The following TRIB2 variants were observed in gnomAD, a reference collection of about 807,000 sequenced individuals.
The protein encoded by TRIB2 is tribbles homolog 2.
TRIB2 carries 2 observed loss-of-function variants against 26.8 expected under a neutral mutation model. The observed-to-expected ratio is 0.07, with a 90% CI of 0.03 to 0.24. TRIB2 has a LOEUF of 0.24. Ranked by LOEUF, TRIB2 falls within the 10% of genes least tolerant of loss-of-function variation. The pLI is 1.00. For missense variants in TRIB2, 306 were observed against 449.0 expected, an observed-to-expected ratio of 0.68 and a Z score of 2.88; for synonymous variants, 189 against 187.3, an observed-to-expected ratio of 1.01 and a Z score of -0.08.
At chr2:12,731,133 T>C (rs1171617597) in intron 2 of TRIB2, among the ~76,000 whole-genome samples, 1 of 152,232 alleles carries the variant, frequency 6.6e-6, no homozygotes, top group Non-Finnish European at 1.5e-5. Flanking sequence ...CTGTAAGCAT[T>C]ATTTAACAGT....
chr2:12,718,443 C>T lies in TRIB2; in HGVS notation c.136C>T (p.Pro46Ser). The T allele has an allele frequency of 6.2e-7, 1 of 1,614,234 alleles. No homozygotes were observed. The highest frequency in any genetic ancestry group is 8.5e-7 in the Non-Finnish European group (1 of 1,180,040). Residue 46 changes from proline to serine, a missense_variant, in exon 1 of 3, where the codon CCG becomes TCG. Physicochemically the swap from Pro to Ser is moderately conservative, Grantham distance 74 (BLOSUM62 -1). This residue lies in a region of TRIB2 where 99 missense variants were observed against 106.5 expected (regional missense o/e 0.93). Transcript: ENST00000155926. This position sits in a 1 kb window ranked among gnomAD's most constrained non-coding sequence, Gnocchi z 4.0. ...GAGTTTCAGCCCGAACCTCGGCTCC[C>T]CGAGCCCGCCCGAGACTCCGAACTT... ...SQSFSPNLGS[P>S]SPPETPNLSH...
intron 2 of TRIB2, among the ~76,000 whole-genome samples, chr2:12,739,588 AC>A (rs1459255064): frequency 6.6e-6 from 1 of 152,132 alleles, no homozygotes; most frequent in East Asian, 1.9e-4. Flanking sequence ...CCTCAGAAGG[AC>A]CAGGTGATAG....
intron 2 of TRIB2, among the ~76,000 whole-genome samples, chr2:12,733,051 C>T (rs1661490303): frequency 6.6e-6 from 1 of 150,408 alleles, no homozygotes; most frequent in South Asian, 2.1e-4. Flanking sequence ...GCCCACAGTG[C>T]TGTTTAAAGA....
rs1262685425 is a variant in TRIB2 at position 12,718,895 on chromosome 2, G to T, written c.270+318G>T. On this transcript the variant is annotated intron_variant, in intron 1 of 2. Coordinates refer to ENST00000155926, the MANE Select transcript of TRIB2 (RefSeq NM_021643.4). This position sits in a 1 kb window ranked among gnomAD's most constrained non-coding sequence, Gnocchi z 4.0. The stretch of plus-strand genomic sequence containing the variant: ...CGCGAGGCCGGGTCCCGCTGCCCGG[G>T]GGGGATTTCTTCCTGTGTCTAGCCC... 1.3e-5 allele frequency among the ~76,000 whole-genome samples: 2 copies of T among 152,094 alleles called. No individual in the cohort carries two copies. The highest frequency in any genetic ancestry group is 2.9e-5 in the Non-Finnish European group (2 of 68,014).
chr2:12,718,324 C>T lies in TRIB2; in HGVS notation c.17C>T (p.Ser6Phe), dbSNP rs371172548. Residue 6 changes from serine to phenylalanine, a missense_variant, in exon 1 of 3, where the codon TCT becomes TTT. By Grantham distance (155) the Ser-to-Phe change is radical. Transcript: ENST00000155926. This position sits in a 1 kb window ranked among gnomAD's most constrained non-coding sequence, Gnocchi z 4.0. The stretch of plus-strand genomic sequence containing the variant: ...CTCACACTCATGAACATACACAGGT[C>T]TACCCCCATCACAATAGCGAGATAT... MNIHR[S>F]TPITIARYGR... 14 of 1,614,074 alleles carry T rather than the reference C, an allele frequency of 8.7e-6. No individual in the cohort carries two copies. Among genetic ancestry groups the T allele is most frequent in the African/African-American group, 1.3e-5 (1 of 74,916 alleles).
In TRIB2 at chr2:12,728,465, C is replaced by G. The variant is rs115758025; in HGVS notation, c.563+4913C>G. On this transcript the variant is annotated intron_variant, in intron 2 of 2. Coordinates refer to ENST00000155926, the MANE Select transcript of TRIB2 (RefSeq NM_021643.4). ...TTGTTACCACAGCACTTCCTGTTTGCTTTTGCCCATTGGATTTCTCTCTGG... is the reference window on the plus strand; with the variant it reads ...TTGTTACCACAGCACTTCCTGTTTGGTTTTGCCCATTGGATTTCTCTCTGG... Among the ~76,000 whole-genome samples, 65 of 152,334 alleles carry G rather than the reference C, an allele frequency of 4.3e-4. 1 individual carries two copies. The highest frequency in any genetic ancestry group is 1.5e-3 in the African/African-American group (64 of 41,580).
chr2:12,724,961 C>T, intron 2 of TRIB2: 6 of 1,322,278 alleles, frequency 4.5e-6, no homozygotes, highest in Non-Finnish European at 6.0e-6. Flanking sequence ...TATTTGTTTA[C>T]CTCTTACCAT....
chr2:12,729,783 G>A (rs191974862), intron 2 of TRIB2, among the ~76,000 whole-genome samples: 1 of 152,146 alleles, frequency 6.6e-6, no homozygotes, highest in East Asian at 1.9e-4. Flanking sequence ...GGCTAGTGTG[G>A]GTCCTCAAGC....
Position 12,741,034 on chromosome 2 carries a change from A to C in TRIB2, c.*240A>C. The C allele has an allele frequency of 2.0e-6, 1 of 503,744 alleles. No individual in the cohort carries two copies. The allele number at this position is 503,744 out of a possible 1,614,324, so 31.2% of individuals were successfully genotyped here. A position where few individuals can be genotyped will look rare whatever the true frequency, so the allele number is the denominator to read the frequency against. ...CCCGCTGGAGCTTGTCTTCCCTAAC[A>C]TAGCCTGGGAGACCACCCCTTGCCA... On this transcript the variant is annotated 3_prime_UTR_variant, in exon 3 of 3. Coordinates refer to ENST00000155926, the MANE Select transcript of TRIB2 (RefSeq NM_021643.4).
At chr2:12,726,129 T>A (rs2103252553) in intron 2 of TRIB2, among the ~76,000 whole-genome samples, 1 of 152,370 alleles carries the variant, frequency 6.6e-6, no homozygotes, top group Middle Eastern at 3.4e-3. Context: ...TCTGGGCAGC[T>A]CTGAGAAGGT....
intron 2 of TRIB2, among the ~76,000 whole-genome samples, chr2:12,739,416 C>T (rs760099153): frequency 5.3e-5 from 8 of 152,182 alleles, no homozygotes; most frequent in African/African-American, 7.2e-5. Flanking sequence ...TGCACCACCA[C>T]GCTCTGCTAA....
At position 12,718,687 on chromosome 2, in the gene TRIB2, C is replaced by G; in HGVS notation, c.270+110C>G. On this transcript the variant is annotated intron_variant, in intron 1 of 2. Transcript: ENST00000155926. The surrounding 1 kb of genome is among the most constrained non-coding windows in gnomAD (Gnocchi z 4.0). ...AGATTCGCGGGATAATTACCGTGGC[C>G]TTATTAAATGGGTTTATTTATTTAT... is the stretch of plus-strand genomic sequence containing the variant. 1 of 1,379,336 alleles carries G rather than the reference C, an allele frequency of 7.2e-7. No homozygotes were observed. Among genetic ancestry groups the G allele is most frequent in the Non-Finnish European group, 9.8e-7 (1 of 1,023,498 alleles). The allele number at this position is 1,379,336 out of a possible 1,614,324, so 85.4% of individuals were successfully genotyped here. A position where few individuals can be genotyped will look rare whatever the true frequency, so the allele number is the denominator to read the frequency against.
intron 2 of TRIB2, among the ~76,000 whole-genome samples, chr2:12,731,928 C>T (rs568562440): frequency 1.1e-4 from 17 of 152,316 alleles, no homozygotes; most frequent in Non-Finnish European, 1.5e-4. Context: ...GGAAGCTTTG[C>T]GGAGAGGCCA....
chr2:12,731,613 A>T (rs142311912), intron 2 of TRIB2, among the ~76,000 whole-genome samples: 142 of 152,292 alleles, frequency 9.3e-4, no homozygotes, highest in African/African-American at 2.2e-3. Flanking sequence ...GGGCTTACTC[A>T]AGGTTTCAAA....
chr2:12,718,647 G>C lies in TRIB2; in HGVS notation c.270+70G>C, dbSNP rs1666654281. 6.5e-7 allele frequency: 1 copy of C among 1,546,470 alleles called. No individual in the cohort carries two copies. The highest frequency in any genetic ancestry group is 8.8e-7 in the Non-Finnish European group (1 of 1,138,484). ...GGGAGCGGGAGGGCGCCAGGCCCTC[G>C]AGTCTGGGAGAGGGAGATTCGCGGG... On this transcript the variant is annotated intron_variant, in intron 1 of 2. Coordinates refer to ENST00000155926, the MANE Select transcript of TRIB2 (RefSeq NM_021643.4). This position sits in a 1 kb window ranked among gnomAD's most constrained non-coding sequence, Gnocchi z 4.0.
chr2:12,725,070 T>C (rs1270616370), intron 2 of TRIB2, among the ~76,000 whole-genome samples: 1 of 152,220 alleles, frequency 6.6e-6, no homozygotes, highest in Non-Finnish European at 1.5e-5. Context: ...AGTCCCAAAG[T>C]TACGGACAGG....
chr2:12,733,907 A>T (rs1374349691), intron 2 of TRIB2, among the ~76,000 whole-genome samples: 1 of 152,140 alleles, frequency 6.6e-6, no homozygotes, highest in African/African-American at 2.4e-5. Context: ...CGGGGCTTTC[A>T]GTGCCGACCT....
At chr2:12,725,056 G>A (rs949020349) in intron 2 of TRIB2, among the ~76,000 whole-genome samples, 17 of 152,244 alleles carry the variant, frequency 1.1e-4, no homozygotes, top group Non-Finnish European at 5.9e-5. Flanking sequence ...GTGCAACGTG[G>A]TGAAGTCCCA....
Position 12,718,972 on chromosome 2 carries a change from G to T in TRIB2, c.270+395G>T, listed in dbSNP as rs1340263413. ...ATCCCCCGGTAATTTTAAGACTGAT[G>T]ACTTCGTTCTTTTCGCAGCCATTGT... On this transcript the variant is annotated intron_variant, in intron 1 of 2. Transcript: ENST00000155926. This position sits in a 1 kb window ranked among gnomAD's most constrained non-coding sequence, Gnocchi z 4.0. Among the ~76,000 whole-genome samples the T allele has an allele frequency of 6.6e-6, 1 of 152,194 alleles. No individual in the cohort carries two copies. The highest frequency in any genetic ancestry group is 1.5e-5 in the Non-Finnish European group (1 of 68,044).
Sources: gnomAD v4.1 joint callset for allele counts (sites outside exome capture counted in the v4.1 genomes callset) on GRCh38, gnomAD v4.1.1 for gene constraint, gnomAD v4.1.1 regional missense constraint, Gnocchi (gnomAD v3.1) non-coding constraint, MANE v1.5 for transcripts, NCBI Gene and HGNC (gene_info 2026-07-23, HGNC 2026-07-21) for gene names.